The following FARS2 variants were observed in gnomAD, a reference collection of about 807,000 sequenced individuals.
The protein encoded by FARS2 is phenylalanyl-tRNA synthetase 2, mitochondrial.
FARS2 carries 40 observed loss-of-function variants against 46.4 expected under a neutral mutation model. The observed-to-expected ratio is 0.86, with a 90% CI of 0.67 to 1.12. FARS2 has a LOEUF of 1.12. Ranked by LOEUF, FARS2 falls within the 50% of genes most tolerant of loss-of-function variation. The pLI is 0.00. For missense variants in FARS2, 513 were observed against 567.9 expected, an observed-to-expected ratio of 0.90 and a Z score of 0.98; for synonymous variants, 234 against 214.9, an observed-to-expected ratio of 1.09 and a Z score of -0.78.
At position 5,465,192 on chromosome 6, in the gene FARS2, GA is replaced by G. The variant is rs1242821209; in HGVS notation, c.904+34027del. On this transcript the variant is annotated intron_variant, in intron 4 of 6. Coordinates refer to ENST00000274680, the MANE Select transcript of FARS2 (RefSeq NM_006567.5). ...AATCTATTTAAAAGCAAAAAGAGGA[GA>G]AAAAAATCTGCTTTTAATAGTTAAT... 7.2e-5 allele frequency among the ~76,000 whole-genome samples: 11 copies of G among 152,110 alleles called. 1 individual carries two copies. The highest frequency in any genetic ancestry group is 6.2e-4 in the South Asian group (3 of 4,812).
chr6:5,366,619 G>A (rs757416137), intron 1 of FARS2, among the ~76,000 whole-genome samples: 6 of 151,010 alleles, frequency 4.0e-5, no homozygotes, highest in East Asian at 1.9e-4. Context: ...GAAGGGACAC[G>A]AGGCTGGGGC....
intron 4 of FARS2, among the ~76,000 whole-genome samples, chr6:5,531,203 C>T (rs987551252): frequency 3.9e-5 from 6 of 152,186 alleles, no homozygotes; most frequent in African/African-American, 9.7e-5. Context: ...GCCATGCTCT[C>T]CCCTCAGCCA....
intron 5 of FARS2, among the ~76,000 whole-genome samples, chr6:5,578,559 C>G (rs963519934): frequency 6.6e-6 from 1 of 151,962 alleles, no homozygotes; most frequent in African/African-American, 2.4e-5. Context: ...CCAGTAATCC[C>G]AGCACTTTGG....
chr6:5,335,126 C>T (rs893401758), intron 1 of FARS2, among the ~76,000 whole-genome samples: 4 of 152,156 alleles, frequency 2.6e-5, no homozygotes, highest in Admixed American at 6.5e-5. Context: ...TCCCTGACAG[C>T]GTATGACTGT....
intron 4 of FARS2, among the ~76,000 whole-genome samples, chr6:5,534,841 G>A (rs1054106058): frequency 4.8e-5 from 6 of 124,212 alleles, no homozygotes; most frequent in Non-Finnish European, 1.1e-4. Flanking sequence ...ACACACGCAC[G>A]CATACACACT....
intron 1 of FARS2, among the ~76,000 whole-genome samples, chr6:5,359,354 T>G (rs1427747972): frequency 6.6e-6 from 1 of 152,210 alleles, no homozygotes; most frequent in Non-Finnish European, 1.5e-5. Context: ...ATATCTCTTC[T>G]TAATGGGGAA....
chr6:5,275,421 G>T (rs112940565), intron 1 of FARS2, among the ~76,000 whole-genome samples: 3,071 of 152,102 alleles, frequency 0.02, 92 homozygotes, highest in African/African-American at 0.07. Flanking sequence ...GTACAAAGTA[G>T]ATCTACATAA....
chr6:5,594,130 T>G (rs1200727586), intron 5 of FARS2, among the ~76,000 whole-genome samples: 1 of 148,596 alleles, frequency 6.7e-6, no homozygotes, highest in East Asian at 2.1e-4. Context: ...GCCTAGGATC[T>G]TTTCTTTGCA....
chr6:5,521,121 A>T (rs1769109089), intron 4 of FARS2, among the ~76,000 whole-genome samples: 1 of 149,258 alleles, frequency 6.7e-6, no homozygotes, highest in Non-Finnish European at 1.5e-5. Context: ...TATTTTTTTT[A>T]TTTATATTTT....
intron 5 of FARS2, among the ~76,000 whole-genome samples, chr6:5,562,960 C>T (rs181507535): frequency 1.3e-3 from 196 of 151,956 alleles, no homozygotes; most frequent in East Asian, 2.7e-3. Context: ...CCTGCCACCA[C>T]GCCCAGCTAA....
At chr6:5,689,342 A>G (rs1235213555) in intron 6 of FARS2, among the ~76,000 whole-genome samples, 2 of 152,052 alleles carry the variant, frequency 1.3e-5, no homozygotes, top group African/African-American at 4.8e-5. Flanking sequence ...ATTTAGTGCT[A>G]TAAATTTCCC....
chr6:5,572,876 C>T (rs1046472396), intron 5 of FARS2, among the ~76,000 whole-genome samples: 4 of 152,164 alleles, frequency 2.6e-5, no homozygotes, highest in African/African-American at 9.7e-5. Flanking sequence ...GTTCCACTAA[C>T]TTGGTTCTTC....
intron 1 of FARS2, among the ~76,000 whole-genome samples, chr6:5,305,476 C>T (rs1272613416): frequency 6.6e-6 from 1 of 152,126 alleles, no homozygotes; most frequent in Non-Finnish European, 1.5e-5. Flanking sequence ...GCAGACCTCA[C>T]AGGGATAAAG....
At chr6:5,327,569 A>G (rs1259537222) in intron 1 of FARS2, among the ~76,000 whole-genome samples, 1 of 152,198 alleles carries the variant, frequency 6.6e-6, no homozygotes, top group Non-Finnish European at 1.5e-5. Context: ...GCCACCATGT[A>G]AGATATACCT....
the FARS2 span, among the ~76,000 whole-genome samples, chr6:5,253,884 G>A: frequency 6.6e-6 from 1 of 151,328 alleles, no homozygotes. Flanking sequence ...CTTATTCCAT[G>A]CAACAATGAA....
chr6:5,553,782 G>T (rs991167565), intron 5 of FARS2, among the ~76,000 whole-genome samples: 1 of 152,064 alleles, frequency 6.6e-6, no homozygotes, highest in Non-Finnish European at 1.5e-5. Context: ...CAGTGGGTCT[G>T]GGGGGGTGCC....
At chr6:5,672,189 CTTTGGTGGGG>C (rs1778505345) in intron 6 of FARS2, among the ~76,000 whole-genome samples, 4 of 152,168 alleles carry the variant, frequency 2.6e-5, no homozygotes, top group African/African-American at 9.7e-5. Context: ...TCTAAAGCGG[CTTTGGTGGGG>C]TTTCCTCACC....
chr6:5,754,702 T>C (rs1762120738), intron 6 of FARS2, among the ~76,000 whole-genome samples: 1 of 152,274 alleles, frequency 6.6e-6, no homozygotes, highest in South Asian at 2.1e-4. Context: ...GTATAATTGA[T>C]GTAGGTTGAC....
intron 6 of FARS2, among the ~76,000 whole-genome samples, chr6:5,674,776 A>G (rs1056000258): frequency 6.6e-6 from 1 of 152,116 alleles, no homozygotes; most frequent in African/African-American, 2.4e-5. Flanking sequence ...GAGCAGTACT[A>G]TTTTTGCCAG....
Sources: allele counts gnomAD v4.1 joint callset (sites outside exome capture counted in the v4.1 genomes callset), GRCh38; gene constraint gnomAD v4.1.1; transcripts MANE v1.5; gene names NCBI Gene and HGNC (gene_info 2026-07-23, HGNC 2026-07-21).